PDLIM5: variants seen among roughly 807,000 people sequenced by gnomAD.
The protein encoded by PDLIM5 is PDZ and LIM domain protein 5.
Under a neutral mutation model 64.2 loss-of-function variants are expected in PDLIM5, and 34 were observed. That is an observed-to-expected ratio of 0.53 (90% CI 0.40 to 0.71). The LOEUF is 0.71. Among genes scored for constraint, PDLIM5 ranks in the 30% least tolerant of loss-of-function variants. The probability of loss-of-function intolerance (pLI) is 0.00; values close to 1 mark genes in which losing one functional copy is unlikely to be tolerated. For missense variants in PDLIM5, 683 were observed against 733.6 expected, an observed-to-expected ratio of 0.93 and a Z score of 0.80; for synonymous variants, 253 against 269.1, an observed-to-expected ratio of 0.94 and a Z score of 0.59.
intron 3 of PDLIM5, among the ~76,000 whole-genome samples, chr4:94,536,294 G>A (rs1731313548): frequency 1.3e-5 from 2 of 152,124 alleles, no homozygotes; most frequent in Admixed American, 1.3e-4. Context: ...AGATTCTCCT[G>A]GCCACATCTG....
intron 9 of PDLIM5, among the ~76,000 whole-genome samples, chr4:94,649,345 C>T (rs543906078): frequency 2.3e-4 from 35 of 152,258 alleles, no homozygotes; most frequent in Admixed American, 7.8e-4. Context: ...GAGTGATACC[C>T]TGTCATGGCC....
chr4:94,475,862 T>G (rs1324847701), intron 2 of PDLIM5, among the ~76,000 whole-genome samples: 2 of 152,148 alleles, frequency 1.3e-5, no homozygotes, highest in Non-Finnish European at 2.9e-5. Context: ...TTAACTAAAT[T>G]GAACAGATTT....
At chr4:94,487,073 G>T (rs1189912188) in intron 2 of PDLIM5, among the ~76,000 whole-genome samples, 1 of 152,156 alleles carries the variant, frequency 6.6e-6, no homozygotes, top group Non-Finnish European at 1.5e-5. Context: ...AAGGAAGGGA[G>T]TCTGTGACAA....
chr4:94,478,221 A>T (rs1454444169), intron 2 of PDLIM5, among the ~76,000 whole-genome samples: 1 of 148,714 alleles, frequency 6.7e-6, no homozygotes, highest in Non-Finnish European at 1.5e-5. Context: ...ACGGTATTGC[A>T]CTCCAGCCTG....
chr4:94,582,271 A>G (rs368311807), intron 5 of PDLIM5, among the ~76,000 whole-genome samples: 3 of 152,304 alleles, frequency 2.0e-5, no homozygotes, highest in South Asian at 2.1e-4. Context: ...AAAATGATCT[A>G]TTTCTACATT....
intron 10 of PDLIM5, among the ~76,000 whole-genome samples, chr4:94,654,981 G>C (rs904706603): frequency 6.6e-6 from 1 of 152,110 alleles, no homozygotes; most frequent in African/African-American, 2.4e-5. Flanking sequence ...ACACATCTGA[G>C]TTCTTAGAAC....
At chr4:94,453,416 A>G (rs1723040272) in intron 1 of PDLIM5, among the ~76,000 whole-genome samples, 2 of 152,210 alleles carry the variant, frequency 1.3e-5, no homozygotes, top group Admixed American at 1.3e-4. Flanking sequence ...TGTGGCTGTG[A>G]CCTTGCCAGT....
At chr4:94,551,690 A>G (rs985977731) in intron 3 of PDLIM5, among the ~76,000 whole-genome samples, 2 of 152,164 alleles carry the variant, frequency 1.3e-5, no homozygotes, top group Admixed American at 6.5e-5. Flanking sequence ...CTTGACACAC[A>G]GGCAATGCTA....
intron 9 of PDLIM5, among the ~76,000 whole-genome samples, chr4:94,649,208 T>G (rs1476437723): frequency 1.3e-5 from 2 of 152,088 alleles, no homozygotes. Context: ...ACTCCTGGCC[T>G]CAAGTGATCC....
intron 2 of PDLIM5, among the ~76,000 whole-genome samples, chr4:94,522,747 A>G (rs1263652877): frequency 1.3e-5 from 2 of 152,094 alleles, no homozygotes; most frequent in Non-Finnish European, 2.9e-5. Flanking sequence ...ATCATCACAA[A>G]CAGAAACTCT....
In PDLIM5 at chr4:94,491,161, A is replaced by T. The variant is rs57005701; in HGVS notation, c.97-32563A>T. On this transcript the variant is annotated intron_variant, in intron 2 of 12. Transcript: ENST00000317968. ...TGGGAAAACTGATGATCATCACCTT[A>T]TTCAGAGCAAAGCCAAATGCTGATT... 2.1e-3 allele frequency among the ~76,000 whole-genome samples: 322 copies of T among 152,276 alleles called. 7 individuals are homozygous for T. The East Asian group carries it at 0.057, about 27-fold the overall frequency.
intron 3 of PDLIM5, among the ~76,000 whole-genome samples, chr4:94,571,890 A>C (rs1056039450): frequency 2.6e-5 from 4 of 152,240 alleles, no homozygotes; most frequent in Admixed American, 1.3e-4. Flanking sequence ...TCTATTAAAT[A>C]GTACACATAG....
At chr4:94,563,729 A>G (rs552769658) in intron 3 of PDLIM5, among the ~76,000 whole-genome samples, 1 of 152,318 alleles carries the variant, frequency 6.6e-6, no homozygotes, top group East Asian at 1.9e-4. Context: ...CATGTCTCAT[A>G]CTTTGAAAAG....
At chr4:94,661,233 A>AG (rs553312152) in intron 11 of PDLIM5, among the ~76,000 whole-genome samples, 116 of 151,796 alleles carry the variant, frequency 7.6e-4, no homozygotes, top group Admixed American at 1.2e-3. Context: ...TACAAAAAAA[A>AG]TTTTTTTTTA....
chr4:94,511,269 C>G (rs1379106749), intron 2 of PDLIM5, among the ~76,000 whole-genome samples: 1 of 152,128 alleles, frequency 6.6e-6, no homozygotes, highest in African/African-American at 2.4e-5. Context: ...GGCTAGCAAC[C>G]TAGTATCATA....
chr4:94,632,946 G>T (rs1017399590), intron 8 of PDLIM5, among the ~76,000 whole-genome samples: 2 of 152,154 alleles, frequency 1.3e-5, no homozygotes, highest in African/African-American at 4.8e-5. Flanking sequence ...TAATAAACTT[G>T]TGTTGTTTTT....
chr4:94,657,379 A>G (rs1742291097), intron 10 of PDLIM5, 48 bp from the exon 11 acceptor site: 7 of 1,329,864 alleles, frequency 5.3e-6, no homozygotes, highest in African/African-American at 1.4e-5. Flanking sequence ...ACATTTATGT[A>G]TTTATTGTCA....
At chr4:94,580,552 TGTAAAG>T (rs1401186482) in intron 5 of PDLIM5, among the ~76,000 whole-genome samples, 20 of 152,110 alleles carry the variant, frequency 1.3e-4, no homozygotes, top group Non-Finnish European at 1.9e-4. Flanking sequence ...ATGTTAGACT[TGTAAAG>T]GGGGAGAATG....
At chr4:94,535,012 G>T (rs1033545765) in intron 3 of PDLIM5, among the ~76,000 whole-genome samples, 9 of 152,146 alleles carry the variant, frequency 5.9e-5, no homozygotes, top group Non-Finnish European at 1.5e-5. Flanking sequence ...AGCCTTGCAG[G>T]GTCTTAGACA....
Sources: gnomAD v4.1 joint callset for allele counts (sites outside exome capture counted in the v4.1 genomes callset) on GRCh38, gnomAD v4.1.1 for gene constraint, MANE v1.5 for transcripts, NCBI Gene and HGNC (gene_info 2026-07-23, HGNC 2026-07-21) for gene names.